Variants in ASXL1 observed in about 807,000 individuals in gnomAD.
The protein encoded by ASXL1 is ASXL transcriptional regulator 1.
ASXL1 carries 65 observed loss-of-function variants against 89.1 expected under a neutral mutation model. That is an observed-to-expected ratio of 0.73 (90% confidence interval 0.60 to 0.90). The LOEUF (loss-of-function observed/expected upper bound fraction) is 0.90, where lower values mean the gene tolerates loss of function less well. Among genes scored for constraint, ASXL1 ranks in the 40% least tolerant of loss-of-function variants. ASXL1 has a pLI of 0.00. For synonymous variants in ASXL1, 739 were observed against 746.9 expected (o/e 0.99, Z 0.17); for missense variants, 1,786 against 1,942.9 (o/e 0.92, Z 1.52).
chr20:32,390,328 CA>C (rs1266631544), intron 4 of ASXL1, among the ~76,000 whole-genome samples: 1 of 152,154 alleles, frequency 6.6e-6, no homozygotes, highest in Non-Finnish European at 1.5e-5. Flanking sequence ...CTCAAAAAAT[CA>C]TAAGTCAGGG....
intron 4 of ASXL1, among the ~76,000 whole-genome samples, chr20:32,406,525 A>G (rs981604176): frequency 6.6e-6 from 1 of 152,192 alleles, no homozygotes; most frequent in Non-Finnish European, 1.5e-5. Flanking sequence ...CACTCCAGCC[A>G]GAGCTACTGA....
intron 4 of ASXL1, among the ~76,000 whole-genome samples, chr20:32,389,002 A>G (rs1209255289): frequency 1.4e-5 from 2 of 144,896 alleles, no homozygotes; most frequent in Non-Finnish European, 3.2e-5. Context: ...TTTACACTCT[A>G]TTTTATTTAT....
In ASXL1 at chr20:32,366,492, A is replaced by G. The variant is rs2295454; in HGVS notation, c.140+26A>G. The G allele has an allele frequency of 0.39, 627,763 of 1,612,682 alleles. 127,277 individuals are homozygous for G. Among genetic ancestry groups the G allele is most frequent in the East Asian group, 0.73 (32,525 of 44,854 alleles). On this transcript the variant is annotated intron_variant, in intron 2 of 12. Coordinates refer to ENST00000375687, the MANE Select transcript of ASXL1 (RefSeq NM_015338.6). ...GTTTGTATTGTTCTTGTTGCTTAAC[A>G]TGAGGGTTTCATAGGATATGTGTCT...
intron 4 of ASXL1, among the ~76,000 whole-genome samples, chr20:32,373,015 G>GATCCAC (rs1555901560): frequency 6.7e-6 from 1 of 149,004 alleles, no homozygotes; most frequent in Non-Finnish European, 1.5e-5. Flanking sequence ...GGACTCAAGC[G>GATCCAC]ATCCACCCAC....
chr20:32,366,287 A>G, intron 1 of ASXL1, 97 bp from the exon 2 acceptor site: 2 of 1,059,324 alleles, frequency 1.9e-6, no homozygotes, highest in East Asian at 2.4e-5. Context: ...AGTTGTCACC[A>G]GCGGTACCTC....
rs2123251468 is a variant in ASXL1, at chr20:32,433,275, G to T, written c.1086-9G>T. The stretch of plus-strand genomic sequence containing the variant: ...GCCTGAAACTGATGGCTGTGATTTT[G>T]ATTTGCAGGCTGGGTTTGACCAAAG... On this transcript the variant is annotated splice_polypyrimidine_tract_variant and intron_variant, in intron 11 of 12. Transcript: ENST00000375687. 1.9e-6 allele frequency: 3 copies of T among 1,614,088 alleles called. No individual in the cohort carries two copies. In the South Asian group the frequency reaches 3.3e-5, roughly 18 times the overall value.
intron 4 of ASXL1, among the ~76,000 whole-genome samples, chr20:32,425,123 C>T (rs954982477): frequency 5.3e-5 from 8 of 152,228 alleles, no homozygotes; most frequent in Non-Finnish European, 1.0e-4. Context: ...ATCAACTATG[C>T]ATTATTTTGT....
chr20:32,361,791 C>T (rs2048116267), intron 1 of ASXL1, among the ~76,000 whole-genome samples: 2 of 151,610 alleles, frequency 1.3e-5, no homozygotes, highest in African/African-American at 2.4e-5. Context: ...CCAGGCCGGG[C>T]ACGGTGGCTC....
chr20:32,392,537 C>A (rs2048691448), intron 4 of ASXL1, among the ~76,000 whole-genome samples: 1 of 147,038 alleles, frequency 6.8e-6, no homozygotes, highest in African/African-American at 2.5e-5. Flanking sequence ...GCCTCGGCCT[C>A]CCAAAGTGTT....
At chr20:32,426,856 C>T (rs2011324803) in intron 4 of ASXL1, among the ~76,000 whole-genome samples, 1 of 151,948 alleles carries the variant, frequency 6.6e-6, no homozygotes, top group Non-Finnish European at 1.5e-5. Context: ...GCCACTGCAC[C>T]TGGCCTCTTT....
At chr20:32,428,764 A>G (rs755488865) in intron 6 of ASXL1, 264 of 302,506 alleles carry the variant, frequency 8.7e-4, no homozygotes, top group Non-Finnish European at 1.5e-3. Flanking sequence ...GGGTTCAAGC[A>G]ATTCTCCTGC....
Position 32,434,476 on chromosome 20 carries a change from G to GC in ASXL1, c.1767dup (p.Thr590HisfsTer29). 1 of 1,614,100 alleles carries GC rather than the reference G, an allele frequency of 6.2e-7. No individual in the cohort carries two copies. On this transcript the variant is annotated frameshift_variant, in exon 13 of 13. Transcript: ENST00000375687. LOFTEE classifies it low-confidence loss of function (END_TRUNC). Reference sequence around the variant, plus strand: ...AACCACCCTGGGTGGTTAAAGGTCAGCCCACTTACCAGATATGCCCCCGGA... The same window carrying GC: ...AACCACCCTGGGTGGTTAAAGGTCAGCCCCACTTACCAGATATGCCCCCGGA...
At chr20:32,413,221 T>G (rs755740282) in intron 4 of ASXL1, among the ~76,000 whole-genome samples, 11 of 152,170 alleles carry the variant, frequency 7.2e-5, no homozygotes, top group Admixed American at 2.6e-4. Flanking sequence ...AACAGATGTG[T>G]ATATTATCAT....
Position 32,436,528 on chromosome 20 carries a change from T to G in ASXL1, c.3816T>G (p.Pro1272=). The G allele has an allele frequency of 6.2e-7, 1 of 1,614,194 alleles. No individual in the cohort carries two copies. Among genetic ancestry groups the G allele is most frequent in the Non-Finnish European group, 8.5e-7 (1 of 1,180,032 alleles). Residue 1272 remains proline, a synonymous_variant, in exon 13 of 13, where the codon CCT becomes CCG. Coordinates refer to ENST00000375687, the MANE Select transcript of ASXL1 (RefSeq NM_015338.6). ...SPGDLTTSRT[P]RFSSPNVISF... is the part of the protein sequence containing the mutation. ...GAGATCTTACTACCTCGAGAACACC[T>G]CGTTTCTCATCTCCAAATGTGATCT...
chr20:32,370,752 G>A (rs1004072627), intron 4 of ASXL1, among the ~76,000 whole-genome samples: 2 of 151,932 alleles, frequency 1.3e-5, no homozygotes, highest in Admixed American at 6.6e-5. Flanking sequence ...TGTCTGTGCT[G>A]TTTTCTATAT....
chr20:32,432,585 T>C, intron 10 of ASXL1: 1 of 376,940 alleles, frequency 2.7e-6, no homozygotes, highest in South Asian at 2.3e-5. Flanking sequence ...AAGTAGGCCT[T>C]TCTAAGAGTA....
chr20:32,377,411 A>AT (rs2048404999), intron 4 of ASXL1, among the ~76,000 whole-genome samples: 1 of 151,468 alleles, frequency 6.6e-6, no homozygotes, highest in Non-Finnish European at 1.5e-5. Flanking sequence ...TTTGCTGGAG[A>AT]TTTTTTGGGC....
rs897163423 is a variant in ASXL1, at chr20:32,436,775, G to T, written c.4063G>T (p.Asp1355Tyr). The T allele has an allele frequency of 6.2e-7, 1 of 1,614,206 alleles. No homozygotes were observed. Among genetic ancestry groups the T allele is most frequent in the Non-Finnish European group, 8.5e-7 (1 of 1,180,042 alleles). The part of the protein sequence containing the change: ...MSGGVQTPRE[D>Y]WAPKPHAFVG... ...TGGTGGGGTACAGACTCCAAGGGAA[G>T]ACTGGGCTCCAAAGCCACATGCCTT... Residue 1355 changes from aspartate (D) to tyrosine (Y), a missense_variant, in exon 13 of 13, where the codon GAC (aspartate) becomes TAC (tyrosine). By Grantham distance (160) the Asp-to-Tyr change is radical. Coordinates refer to ENST00000375687, the MANE Select transcript of ASXL1 (RefSeq NM_015338.6).
At chr20:32,363,247 T>A (rs908391061) in intron 1 of ASXL1, among the ~76,000 whole-genome samples, 2 of 149,096 alleles carry the variant, frequency 1.3e-5, no homozygotes, top group Admixed American at 6.8e-5. Flanking sequence ...TAGTTACTAT[T>A]TGAGTCATGC....
Sources: allele counts gnomAD v4.1 joint callset (sites outside exome capture counted in the v4.1 genomes callset), GRCh38; gene constraint gnomAD v4.1.1; transcripts MANE v1.5; gene names NCBI Gene and HGNC (gene_info 2026-07-23, HGNC 2026-07-21).